Variants in ZNF385D observed in about 807,000 individuals in gnomAD.
ZNF385D encodes the protein zinc finger protein 385D, also known as zinc finger protein 659.
ZNF385D carries 15 observed loss-of-function variants against 35.8 expected under a neutral mutation model. The observed-to-expected ratio is 0.42, with a 90% CI of 0.28 to 0.64. The LOEUF (loss-of-function observed/expected upper bound fraction) is 0.64, where lower values mean the gene tolerates loss of function less well. Ranked by LOEUF, ZNF385D falls within the 30% of genes least tolerant of loss-of-function variation. The probability of loss-of-function intolerance (pLI) is 0.23; values close to 1 mark genes in which losing one functional copy is unlikely to be tolerated. For synonymous variants in ZNF385D, 212 were observed against 186.8 expected, an observed-to-expected ratio of 1.13 and a Z score of -1.10; for missense variants, 474 against 494.6, an observed-to-expected ratio of 0.96 and a Z score of 0.39.
At chr3:22,074,348 A>G (rs1188891365) in intron 3 of ZNF385D, among the ~76,000 whole-genome samples, 1 of 152,026 alleles carries the variant, frequency 6.6e-6, no homozygotes, top group East Asian at 1.9e-4. Context: ...AATAGCTGTA[A>G]TTCTATCCTT....
In ZNF385D at chr3:22,093,287, A is replaced by G. The variant is rs544276641; in HGVS notation, c.325+75530T>C. Among the ~76,000 whole-genome samples the G allele has an allele frequency of 4.8e-3, 730 of 152,166 alleles. 11 individuals are homozygous for G. Among genetic ancestry groups the G allele is most frequent in the African/African-American group, 0.016 (664 of 41,572 alleles). On this transcript the variant is annotated intron_variant, in intron 3 of 5. Transcript: ENST00000494108. Reference sequence around the variant, plus strand: ...CCAACATCTAAAACTTTTAGAAGGTATAGGCTTTTAATATATGCGCATTGA... The same window carrying G: ...CCAACATCTAAAACTTTTAGAAGGTGTAGGCTTTTAATATATGCGCATTGA...
intron 2 of ZNF385D, among the ~76,000 whole-genome samples, chr3:22,180,783 T>C (rs996682479): frequency 3.3e-5 from 5 of 152,100 alleles, no homozygotes; most frequent in South Asian, 4.2e-4. Flanking sequence ...ATGGGACATA[T>C]CTCAAAATAA....
intron 3 of ZNF385D, among the ~76,000 whole-genome samples, chr3:22,000,025 G>A (rs748455821): frequency 6.6e-6 from 1 of 152,116 alleles, no homozygotes; most frequent in Non-Finnish European, 1.5e-5. Context: ...TTTTATCTAG[G>A]CCGGGCATGG....
At chr3:21,914,410 CTTT>C (rs1700101128) in intron 3 of ZNF385D, among the ~76,000 whole-genome samples, 4 of 131,010 alleles carry the variant, frequency 3.1e-5, no homozygotes, top group African/African-American at 1.1e-4. Flanking sequence ...GGTCTTATCT[CTTT>C]TTTTCAAATA....
At chr3:21,865,119 G>A (rs78908501) in intron 3 of ZNF385D, among the ~76,000 whole-genome samples, 1,967 of 119,096 alleles carry the variant, frequency 0.017, 30 homozygotes, top group East Asian at 0.083. Context: ...CTTTCATGTG[G>A]TATAATTTGG....
chr3:21,964,699 C>T (rs1702806125), intron 3 of ZNF385D, among the ~76,000 whole-genome samples: 4 of 151,042 alleles, frequency 2.6e-5, no homozygotes, highest in Non-Finnish European at 4.4e-5. Context: ...ACCATGTTGG[C>T]CAGGCTGGTC....
intron 6 of ZNF385D, among the ~76,000 whole-genome samples, chr3:21,424,299 ATT>A (rs1260787283): frequency 1.2e-5 from 1 of 80,190 alleles, no homozygotes; most frequent in Non-Finnish European, 2.3e-5. Context: ...ATATATATAT[ATT>A]TATATATATA....
chr3:22,146,488 A>G (rs62248892), intron 3 of ZNF385D, among the ~76,000 whole-genome samples: 24,793 of 152,152 alleles, frequency 0.16, 2,597 homozygotes, highest in Non-Finnish European at 0.23. Context: ...ATTTGAAGTA[A>G]TATCTACTTA....
At chr3:22,198,549 T>A (rs1235487708) in intron 2 of ZNF385D, among the ~76,000 whole-genome samples, 1 of 152,128 alleles carries the variant, frequency 6.6e-6, no homozygotes, top group East Asian at 1.9e-4. Context: ...TAGGTATTTG[T>A]AAAGCAAGAA....
At chr3:22,000,622 A>T (rs1418917456) in intron 3 of ZNF385D, among the ~76,000 whole-genome samples, 2 of 152,182 alleles carry the variant, frequency 1.3e-5, no homozygotes, top group African/African-American at 4.8e-5. Context: ...AAAATCAAAG[A>T]CAAAGAGAGA....
chr3:21,763,440 T>A (rs1275272880), intron 3 of ZNF385D, among the ~76,000 whole-genome samples: 1 of 152,222 alleles, frequency 6.6e-6, no homozygotes, highest in Non-Finnish European at 1.5e-5. Flanking sequence ...AAAAAGACCC[T>A]AATTAATTTG....
chr3:21,916,706 G>C (rs1175544156), intron 3 of ZNF385D, among the ~76,000 whole-genome samples: 1 of 152,148 alleles, frequency 6.6e-6, no homozygotes, highest in East Asian at 1.9e-4. Context: ...ACTAAATTTT[G>C]GAAAAGGTCT....
At chr3:21,936,883 G>T (rs537606360) in intron 3 of ZNF385D, among the ~76,000 whole-genome samples, 2 of 152,158 alleles carry the variant, frequency 1.3e-5, no homozygotes, top group African/African-American at 2.4e-5. Context: ...AGGAATAGTT[G>T]TAACTAGGTT....
Position 21,942,159 on chromosome 3 carries a change from C to T in ZNF385D, c.325+226658G>A, listed in dbSNP as rs536252640. 3.1e-4 allele frequency among the ~76,000 whole-genome samples: 47 copies of T among 152,172 alleles called. 1 individual carries two copies. Among genetic ancestry groups the T allele is most frequent in the Admixed American group, 9.8e-4 (15 of 15,266 alleles). ...TGATAAGTTGTCAAAAATTTTATAG[C>T]GTAATTTTTAAAATTTCTGAAATAT... is the stretch of plus-strand genomic sequence containing the variant. On this transcript the variant is annotated intron_variant, in intron 3 of 5. Coordinates refer to the ZNF385D transcript ENST00000494108.
intron 1 of ZNF385D, among the ~76,000 whole-genome samples, chr3:21,728,613 A>C (rs997203597): frequency 6.6e-6 from 1 of 152,214 alleles, no homozygotes; most frequent in Non-Finnish European, 1.5e-5. Flanking sequence ...TTCCAAGGTT[A>C]GTGCAGTTAA....
intron 3 of ZNF385D, 59 bp from the exon 4 acceptor site, chr3:21,511,082 T>A: frequency 1.9e-6 from 3 of 1,599,444 alleles, no homozygotes; most frequent in Non-Finnish European, 2.6e-6. Flanking sequence ...TGGCATTCTC[T>A]GTATTACTGC....
At chr3:21,881,440 A>T (rs529300756) in intron 3 of ZNF385D, among the ~76,000 whole-genome samples, 7 of 151,996 alleles carry the variant, frequency 4.6e-5, no homozygotes, top group Admixed American at 4.6e-4. Context: ...ATCTGTTTAC[A>T]TATTGATTTA....
chr3:21,733,807 G>T (rs1166561093), intron 1 of ZNF385D, among the ~76,000 whole-genome samples: 1 of 152,124 alleles, frequency 6.6e-6, no homozygotes, highest in African/African-American at 2.4e-5. Context: ...TTGTCTAAAT[G>T]TGTATCCAGT....
In ZNF385D at chr3:21,873,047, A is replaced by C. The variant is rs138784141; in HGVS notation, c.326-208019T>G. On this transcript the variant is annotated intron_variant, in intron 3 of 5. Transcript: ENST00000494108. ...GTCAAGGTTCGGCATCATATAATAA[A>C]ATTTAATTCTCTCTTTTAAGGTTTA... is the stretch of plus-strand genomic sequence containing the variant. Among the ~76,000 whole-genome samples the C allele has an allele frequency of 4.7e-3, 720 of 152,290 alleles. 8 individuals carry two copies. Among genetic ancestry groups the C allele is most frequent in the African/African-American group, 0.016 (652 of 41,584 alleles).
Sources: allele counts gnomAD v4.1 joint callset (sites outside exome capture counted in the v4.1 genomes callset), GRCh38; gene constraint gnomAD v4.1.1; transcripts MANE v1.5; gene names NCBI Gene and HGNC (gene_info 2026-07-23, HGNC 2026-07-21).